The following PADI4 variants were observed in gnomAD, a reference collection of about 807,000 sequenced individuals.
The protein encoded by PADI4 is peptidyl arginine deiminase 4, also known as protein-arginine deiminase type-4.
A neutral mutation model predicts 75.0 loss-of-function variants in PADI4; 62 were observed. The observed-to-expected ratio is 0.83, with a 90% CI of 0.67 to 1.02. The LOEUF (loss-of-function observed/expected upper bound fraction) is 1.02, where lower values mean the gene tolerates loss of function less well. Among genes scored for constraint, PADI4 ranks in the 50% least tolerant of loss-of-function variants. The pLI, the probability that PADI4 is intolerant of heterozygous loss-of-function variation, is 0.00. For synonymous variants in PADI4, 361 were observed against 348.1 expected, an observed-to-expected ratio of 1.04 and a Z score of -0.41; for missense variants, 845 against 850.5, an observed-to-expected ratio of 0.99 and a Z score of 0.08.
At chr1:17,363,076 C>T (rs1228434949) in intron 15 of PADI4, among the ~76,000 whole-genome samples, 1 of 152,136 alleles carries the variant, frequency 6.6e-6, no homozygotes, top group Non-Finnish European at 1.5e-5. Context: ...CTAGGCCTCC[C>T]AAAGTGCTGG....
chr1:17,355,170 A>C (rs2074738674), intron 11 of PADI4, among the ~76,000 whole-genome samples: 1 of 152,198 alleles, frequency 6.6e-6, no homozygotes, highest in Non-Finnish European at 1.5e-5. Flanking sequence ...TCTGGGACAG[A>C]GAGTTCCTGG....
intron 1 of PADI4, among the ~76,000 whole-genome samples, chr1:17,316,800 G>A (rs576140506): frequency 1.4e-4 from 21 of 149,184 alleles, no homozygotes; most frequent in Admixed American, 4.0e-4. Context: ...CCCCTGCCCC[G>A]CGCCCAGCTT....
intron 6 of PADI4, among the ~76,000 whole-genome samples, chr1:17,341,408 C>T (rs2074416390): frequency 6.6e-6 from 1 of 152,138 alleles, no homozygotes; most frequent in Non-Finnish European, 1.5e-5. Context: ...CTGTTTCATT[C>T]TTAAAGTGAT....
chr1:17,320,643 G>A (rs2074017762), intron 1 of PADI4, among the ~76,000 whole-genome samples: 1 of 152,172 alleles, frequency 6.6e-6, no homozygotes, highest in Admixed American at 6.5e-5. Flanking sequence ...GCATGCTAAT[G>A]TATTATAATT....
At chr1:17,319,898 C>G (rs1467206642) in intron 1 of PADI4, among the ~76,000 whole-genome samples, 2 of 152,182 alleles carry the variant, frequency 1.3e-5, no homozygotes, top group Admixed American at 6.5e-5. Context: ...AGTTAGGTTA[C>G]AGTTTACTAT....
chr1:17,330,536 G>C (rs887755875), intron 1 of PADI4, among the ~76,000 whole-genome samples: 2 of 104,418 alleles, frequency 1.9e-5, no homozygotes, highest in African/African-American at 6.4e-5. Flanking sequence ...TGTGGCCAAA[G>C]GCCCAAGAGC....
chr1:17,347,635 CCTTGT>C (rs1305299159), intron 9 of PADI4, among the ~76,000 whole-genome samples: 1 of 152,102 alleles, frequency 6.6e-6, no homozygotes, highest in East Asian at 1.9e-4. Context: ...TGCCTGGCTC[CCTTGT>C]TTTCTCACCT....
intron 6 of PADI4, among the ~76,000 whole-genome samples, chr1:17,340,891 C>T (rs921728503): frequency 2.0e-5 from 3 of 150,668 alleles, no homozygotes; most frequent in Non-Finnish European, 4.4e-5. Context: ...GCCTCCACCT[C>T]CTGGGTTCCA....
In PADI4 at chr1:17,350,255, G is replaced by A. The variant is rs1557574042; in HGVS notation, c.1155+2207G>A. 1.5e-5 allele frequency among the ~76,000 whole-genome samples: 2 copies of A among 129,204 alleles called. 1 individual carries two copies. Among genetic ancestry groups the A allele is most frequent in the Admixed American group, 1.7e-4 (2 of 11,514 alleles). 84.8% of individuals were successfully genotyped at this position (129,204 alleles called of 152,430 possible). On this transcript the variant is annotated intron_variant, in intron 10 of 15. Transcript: ENST00000375448. ...AGTGGTTGTTCTTCCTGTAAGCATC[G>A]TCAGTAAATTTTCTATCACCACCAT...
chr1:17,362,723 G>A lies in PADI4; in HGVS notation c.1759-799G>A, dbSNP rs572095965. On this transcript the variant is annotated intron_variant, in intron 15 of 15. Coordinates refer to ENST00000375448, the MANE Select transcript of PADI4 (RefSeq NM_012387.3). ...TAAAATAAATAAGAGTATGGAACTT[G>A]GAGTCTAATAGCTGTAGTCCAAGTA... 5.9e-5 allele frequency among the ~76,000 whole-genome samples: 9 copies of A among 152,312 alleles called. No individual in the cohort carries two copies. The South Asian group carries it at 1.9e-3, about 32-fold the overall frequency.
intron 1 of PADI4, among the ~76,000 whole-genome samples, chr1:17,315,216 G>A (rs1481472494): frequency 1.3e-5 from 2 of 152,212 alleles, no homozygotes; most frequent in Non-Finnish European, 2.9e-5. Context: ...CTCAGCACAA[G>A]GTCTGGTACA....
intron 1 of PADI4, among the ~76,000 whole-genome samples, chr1:17,311,570 G>A (rs557546504): frequency 6.6e-6 from 1 of 150,984 alleles, no homozygotes; most frequent in Non-Finnish European, 1.5e-5. Flanking sequence ...TCCAGCCCAG[G>A]CTGGAGTGCA....
At position 17,342,302 on chromosome 1, in the gene PADI4, C is replaced by G; in HGVS notation, c.835C>G (p.Leu279Val). 1 of 1,609,538 alleles carries G rather than the reference C, an allele frequency of 6.2e-7. No individual in the cohort carries two copies. The highest frequency in any genetic ancestry group is 8.5e-7 in the Non-Finnish European group (1 of 1,176,060). The change falls in exon 8 of 16, where the codon CTC becomes GTC. Residue 279 changes from leucine to valine, a missense_variant. Physicochemically the swap from Leu to Val is conservative, Grantham distance 32 (BLOSUM62 1). Coordinates refer to ENST00000375448, the MANE Select transcript of PADI4 (RefSeq NM_012387.3). ...ISLLDTSNLE[L>V]PEAVVFQDSV... ...CCCCTTACCCCCTCCCCTGCAGGAG[C>G]TCCCCGAGGCTGTGGTGTTCCAAGA... is the stretch of plus-strand genomic sequence containing the variant.
chr1:17,327,836 A>G (rs1464173690), intron 1 of PADI4, among the ~76,000 whole-genome samples: 1 of 151,872 alleles, frequency 6.6e-6, no homozygotes, highest in Non-Finnish European at 1.5e-5. Flanking sequence ...AATTATTTAC[A>G]TATTTGGATT....
At chr1:17,326,921 G>A (rs879463715) in intron 1 of PADI4, among the ~76,000 whole-genome samples, 2 of 44,470 alleles carry the variant, frequency 4.5e-5, no homozygotes, top group Admixed American at 2.2e-4. Context: ...TTTTTTTTTT[G>A]AGACACAGTC....
rs1042556733 is a variant in PADI4 at position 17,346,366 on chromosome 1, ACCTT to A, written c.1047+231_1047+234del. On this transcript the variant is annotated intron_variant, in intron 9 of 15. Transcript: ENST00000375448. The surrounding 1 kb of genome is among the most constrained non-coding windows in gnomAD (Gnocchi z 4.3). ...CCACTGCAGTCACCAAGATGAAGCCACCTTCCTGCTTGAAAACACTCAGGTGGCC... is the reference window on the plus strand; with the variant it reads ...CCACTGCAGTCACCAAGATGAAGCCACCTGCTTGAAAACACTCAGGTGGCC... Among the ~76,000 whole-genome samples the A allele has an allele frequency of 6.6e-5, 10 of 152,146 alleles. No individual in the cohort carries two copies. Among genetic ancestry groups the A allele is most frequent in the Admixed American group, 6.5e-4 (10 of 15,274 alleles).
intron 10 of PADI4, 101 bp from the exon 11 acceptor site, chr1:17,354,432 G>A (rs968536813): frequency 4.5e-5 from 45 of 989,642 alleles, no homozygotes; most frequent in Non-Finnish European, 7.2e-5. Context: ...ACGGTACTGA[G>A]TTACTTCCTG....
At position 17,315,518 on chromosome 1, in the gene PADI4, A is replaced by T. The variant is rs544141161; in HGVS notation, c.92+7204A>T. ...AATTGAGAGGGATATGGAGAGAAAGAGAACATACTCAAAAACATTCCACCA... is the reference window on the plus strand; with the variant it reads ...AATTGAGAGGGATATGGAGAGAAAGTGAACATACTCAAAAACATTCCACCA... On this transcript the variant is annotated intron_variant, in intron 1 of 15. Coordinates refer to ENST00000375448, the MANE Select transcript of PADI4 (RefSeq NM_012387.3). 2.0e-5 allele frequency among the ~76,000 whole-genome samples: 3 copies of T among 152,172 alleles called. No homozygotes were observed. The South Asian group carries it at 6.2e-4, about 32-fold the overall frequency.
At chr1:17,340,896 G>T (rs1470942268) in intron 6 of PADI4, among the ~76,000 whole-genome samples, 1 of 150,658 alleles carries the variant, frequency 6.6e-6, no homozygotes, top group Non-Finnish European at 1.5e-5. Flanking sequence ...CACCTCCTGG[G>T]TTCCAGAGAT....
Sources: allele counts gnomAD v4.1 joint callset (sites outside exome capture counted in the v4.1 genomes callset), GRCh38; gene constraint gnomAD v4.1.1; non-coding constraint Gnocchi (gnomAD v3.1); transcripts MANE v1.5; gene names NCBI Gene and HGNC (gene_info 2026-07-23, HGNC 2026-07-21).